Variants in PARN observed in about 807,000 individuals in gnomAD.
The protein encoded by PARN is poly(A)-specific ribonuclease PARN.
PARN carries 71 observed loss-of-function variants against 102.8 expected under a neutral mutation model. The observed-to-expected ratio is 0.69, with a 90% CI of 0.57 to 0.84. PARN has a LOEUF of 0.84. Among genes scored for constraint, PARN ranks in the 40% least tolerant of loss-of-function variants. PARN has a pLI of 0.00. For missense variants in PARN, 782 were observed against 760.9 expected (o/e 1.03, Z -0.33); for synonymous variants, 261 against 252.9 (o/e 1.03, Z -0.30).
At chr16:14,479,955 T>G (rs1963288593) in intron 22 of PARN, among the ~76,000 whole-genome samples, 1 of 149,418 alleles carries the variant, frequency 6.7e-6, no homozygotes, top group South Asian at 2.1e-4. Context: ...CACTGCAACC[T>G]TAGGGTAGAC....
chr16:14,451,021 C>T (rs1961420426), intron 22 of PARN, among the ~76,000 whole-genome samples: 1 of 152,182 alleles, frequency 6.6e-6, no homozygotes. Flanking sequence ...CTTGGCACAG[C>T]ATCCAGGATC....
intron 12 of PARN, among the ~76,000 whole-genome samples, chr16:14,599,037 C>CTTTTTTTT (rs71150194): frequency 1.2e-5 from 1 of 81,458 alleles, no homozygotes; most frequent in Non-Finnish European, 2.3e-5. Flanking sequence ...TTCTCCTCTT[C>CTTTTTTTT]TTTTTTTTTT....
chr16:14,514,655 A>G (rs770068635), intron 21 of PARN, among the ~76,000 whole-genome samples: 2 of 152,182 alleles, frequency 1.3e-5, no homozygotes, highest in Non-Finnish European at 2.9e-5. Flanking sequence ...AATATGCCAT[A>G]TTTTATGAGT....
At chr16:14,605,163 C>T (rs1971109049) in intron 10 of PARN, among the ~76,000 whole-genome samples, 1 of 152,106 alleles carries the variant, frequency 6.6e-6, no homozygotes, top group Non-Finnish European at 1.5e-5. Context: ...AGGCTGGTCT[C>T]AAACTCCTGG....
At chr16:14,594,812 T>G (rs1215940888) in intron 12 of PARN, among the ~76,000 whole-genome samples, 1 of 152,250 alleles carries the variant, frequency 6.6e-6, no homozygotes. Context: ...ATTAATTATC[T>G]GAAATAATCC....
At chr16:14,482,324 C>G (rs1204366234) in intron 22 of PARN, among the ~76,000 whole-genome samples, 1 of 151,522 alleles carries the variant, frequency 6.6e-6, no homozygotes, top group South Asian at 2.1e-4. Context: ...CCCAGGAGGT[C>G]GAAGCTGCAG....
chr16:14,601,761 A>G (rs985914063), intron 11 of PARN: 4 of 151,742 alleles, frequency 2.6e-5, no homozygotes, highest in Non-Finnish European at 5.9e-5. Flanking sequence ...CGTCTCTACT[A>G]AAAATACAAA....
chr16:14,630,212 A>C lies in PARN; in HGVS notation c.-87T>G. ...CGCCGAATTCCGCGGCGACTGCGGC[A>C]GTAGCTGAGGCAGCCGCAGCGGTGA... On this transcript the variant is annotated 5_prime_UTR_variant, in exon 1 of 24. Transcript: ENST00000437198. 8.2e-7 allele frequency: 1 copy of C among 1,222,970 alleles called. No individual in the cohort carries two copies. Among genetic ancestry groups the C allele is most frequent in the Non-Finnish European group, 1.2e-6 (1 of 860,446 alleles). 75.8% of individuals were successfully genotyped at this position (1,222,970 alleles called of 1,614,324 possible).
At chr16:14,509,847 T>C (rs1965090103) in intron 21 of PARN, among the ~76,000 whole-genome samples, 1 of 152,202 alleles carries the variant, frequency 6.6e-6, no homozygotes, top group African/African-American at 2.4e-5. Context: ...AAAAGGAAGA[T>C]AATGGGTAAG....
At chr16:14,559,786 C>T (rs181035540) in intron 18 of PARN, among the ~76,000 whole-genome samples, 1 of 152,258 alleles carries the variant, frequency 6.6e-6, no homozygotes, top group East Asian at 1.9e-4. Flanking sequence ...TTCCCTATAC[C>T]TTCACCTTCA....
In PARN at chr16:14,524,459, G is replaced by A. The variant is rs1450951510; in HGVS notation, c.1480+27562C>T. 5.3e-5 allele frequency among the ~76,000 whole-genome samples: 8 copies of A among 152,232 alleles called. No homozygotes were observed. In the East Asian group the frequency reaches 9.6e-4, roughly 18 times the overall value. ...CTAAACTGCAGCATTAAGAGTGTTCGATTTATCAAGATAAGAAGACAAAGA... is the reference window on the plus strand; with the variant it reads ...CTAAACTGCAGCATTAAGAGTGTTCAATTTATCAAGATAAGAAGACAAAGA... On this transcript the variant is annotated intron_variant, in intron 21 of 23. Coordinates refer to ENST00000437198, the MANE Select transcript of PARN (RefSeq NM_002582.4).
At chr16:14,439,950 G>GGTT (rs1960875667) in intron 23 of PARN, among the ~76,000 whole-genome samples, 1 of 152,166 alleles carries the variant, frequency 6.6e-6, no homozygotes, top group Non-Finnish European at 1.5e-5. Flanking sequence ...GAGAGGCGGA[G>GGTT]GTTGCAGTGA....
intron 20 of PARN, among the ~76,000 whole-genome samples, 178 bp from the exon 21 acceptor site, chr16:14,552,273 A>G (rs2151706085): frequency 6.6e-6 from 1 of 152,356 alleles, no homozygotes; most frequent in Non-Finnish European, 1.5e-5. Flanking sequence ...AGGCTACCAC[A>G]GCAGTTATTT....
At chr16:14,446,822 A>G in intron 23 of PARN, 66 bp downstream of exon 23, 1 of 1,164,286 alleles carries the variant, frequency 8.6e-7, no homozygotes, top group Non-Finnish European at 1.2e-6. Flanking sequence ...TCTCCCCCAA[A>G]ATAGGAGTTT....
intron 18 of PARN, among the ~76,000 whole-genome samples, chr16:14,575,823 G>A (rs1338943701): frequency 6.6e-6 from 1 of 152,182 alleles, no homozygotes; most frequent in Non-Finnish European, 1.5e-5. Flanking sequence ...ATCTCATCTT[G>A]AATTTTAACT....
intron 18 of PARN, among the ~76,000 whole-genome samples, chr16:14,574,416 A>G (rs1379533216): frequency 1.3e-5 from 2 of 152,148 alleles, no homozygotes; most frequent in Non-Finnish European, 2.9e-5. Flanking sequence ...TGACAATGTG[A>G]TAGACAAGAA....
intron 6 of PARN, among the ~76,000 whole-genome samples, chr16:14,612,332 G>A (rs911178488): frequency 6.6e-6 from 1 of 152,092 alleles, no homozygotes; most frequent in Non-Finnish European, 1.5e-5. Context: ...AGCTACTTGG[G>A]AGGCTAAGGC....
chr16:14,501,664 A>G (rs572584983), intron 21 of PARN: 2 of 152,114 alleles, frequency 1.3e-5, no homozygotes, highest in Admixed American at 6.6e-5. Flanking sequence ...ATGTTATTAA[A>G]GCCATCATGG....
intron 11 of PARN, 85 bp from the exon 12 acceptor site, chr16:14,600,045 C>CT (rs1970783300): frequency 2.7e-6 from 2 of 744,282 alleles, no homozygotes; most frequent in African/African-American, 3.6e-5. Flanking sequence ...AAAAAAGACA[C>CT]TGAAATTTTG....
Sources: allele counts gnomAD v4.1 joint callset (sites outside exome capture counted in the v4.1 genomes callset), GRCh38; gene constraint gnomAD v4.1.1; transcripts MANE v1.5; gene names NCBI Gene and HGNC (gene_info 2026-07-23, HGNC 2026-07-21).